Variants in GABRB1 observed in about 807,000 individuals in gnomAD.
The protein encoded by GABRB1 is gamma-aminobutyric acid receptor subunit beta-1.
In GABRB1, 17 loss-of-function variants were observed where a neutral mutation model predicts 51.6. The ratio of observed to expected loss-of-function variants is 0.33; its 90% CI spans 0.23 to 0.49. The LOEUF (loss-of-function observed/expected upper bound fraction) is 0.49. GABRB1 is among the 20% of genes least tolerant of loss of function. The pLI is 0.99. For missense variants in GABRB1, 410 were observed against 600.6 expected (o/e 0.68, Z 3.32); for synonymous variants, 247 against 218.9 (o/e 1.13, Z -1.14).
At position 47,131,758 on chromosome 4, in the gene GABRB1, G is replaced by T. The variant is rs1246110387; in HGVS notation, c.241-29491G>T. On this transcript the variant is annotated intron_variant, in intron 3 of 8. Coordinates refer to ENST00000295454, the MANE Select transcript of GABRB1 (RefSeq NM_000812.4). ...ATATTTCTATTCTGCTACCAATTCT[G>T]CATGAATTTGTGCAAATTACTGAAC... 2.6e-5 allele frequency among the ~76,000 whole-genome samples: 4 copies of T among 152,262 alleles called. No individual in the cohort carries two copies. The East Asian group carries it at 7.7e-4, about 29-fold the overall frequency.
intron 3 of GABRB1, among the ~76,000 whole-genome samples, chr4:47,155,371 G>T (rs758346883): frequency 2.6e-5 from 4 of 151,984 alleles, no homozygotes; most frequent in Non-Finnish European, 4.4e-5. Flanking sequence ...ATCAATGAAA[G>T]ATAAAACATA....
At chr4:47,348,373 A>C (rs139562052) in intron 5 of GABRB1, among the ~76,000 whole-genome samples, 2 of 152,234 alleles carry the variant, frequency 1.3e-5, no homozygotes, top group African/African-American at 4.8e-5. Flanking sequence ...CGAATTGCCC[A>C]CATTGGTGGC....
At chr4:47,321,334 A>C (rs1725081636) in intron 5 of GABRB1, among the ~76,000 whole-genome samples, 1 of 152,176 alleles carries the variant, frequency 6.6e-6, no homozygotes, top group African/African-American at 2.4e-5. Context: ...AATTACATTA[A>C]CTTTCTAGTT....
At chr4:47,320,704 T>C (rs1725049289) in intron 5 of GABRB1, among the ~76,000 whole-genome samples, 3 of 152,140 alleles carry the variant, frequency 2.0e-5, no homozygotes, top group South Asian at 4.1e-4. Flanking sequence ...GGTTTTTAAG[T>C]CTAGTGACTA....
At chr4:47,114,879 C>T (rs139007210) in intron 3 of GABRB1, among the ~76,000 whole-genome samples, 1,680 of 152,272 alleles carry the variant, frequency 0.011, 10 homozygotes, top group South Asian at 0.023. Flanking sequence ...TGTGACTGCA[C>T]GCTAAGCTGG....
At chr4:47,229,206 A>C (rs1721054718) in intron 4 of GABRB1, among the ~76,000 whole-genome samples, 1 of 152,154 alleles carries the variant, frequency 6.6e-6, no homozygotes. Context: ...GAAACCTTGC[A>C]TACTTATGAT....
At chr4:47,199,446 GA>G (rs1719814417) in intron 4 of GABRB1, among the ~76,000 whole-genome samples, 1 of 152,050 alleles carries the variant, frequency 6.6e-6, no homozygotes, top group Non-Finnish European at 1.5e-5. Context: ...GATTTTTCAG[GA>G]AAAATCCCTG....
chr4:47,156,772 C>A (rs755722628), intron 3 of GABRB1, among the ~76,000 whole-genome samples: 18 of 151,946 alleles, frequency 1.2e-4, no homozygotes, highest in African/African-American at 4.3e-4. Context: ...GAGTTCTAAA[C>A]CAGACTGACC....
At chr4:47,295,588 C>T (rs1281973898) in intron 4 of GABRB1, among the ~76,000 whole-genome samples, 2 of 152,128 alleles carry the variant, frequency 1.3e-5, no homozygotes, top group Non-Finnish European at 2.9e-5. Context: ...AACAAAGCCT[C>T]CAAGAAATAT....
At chr4:47,391,749 C>A (rs1379955601) in intron 5 of GABRB1, among the ~76,000 whole-genome samples, 1 of 152,096 alleles carries the variant, frequency 6.6e-6, no homozygotes. Flanking sequence ...CAGTTTGGGA[C>A]CATAAACTCA....
chr4:47,330,678 T>G (rs1378152512), intron 5 of GABRB1, among the ~76,000 whole-genome samples: 1 of 152,184 alleles, frequency 6.6e-6, no homozygotes, highest in Admixed American at 6.6e-5. Flanking sequence ...TTTATAAACT[T>G]CAAGGTCTCT....
At position 47,198,877 on chromosome 4, in the gene GABRB1, T is replaced by C. The variant is rs138025562; in HGVS notation, c.461+37408T>C. ...GGCAAAGGGAAAGAAAGGCAGATCT[T>C]ACATGGTGGCAGGTGAGCAGAGAAA... is the stretch of plus-strand genomic sequence containing the variant. On this transcript the variant is annotated intron_variant, in intron 4 of 8. Coordinates refer to ENST00000295454, the MANE Select transcript of GABRB1 (RefSeq NM_000812.4). 2.8e-3 allele frequency among the ~76,000 whole-genome samples: 423 copies of C among 152,258 alleles called. 3 individuals carry two copies. The highest frequency in any genetic ancestry group is 9.1e-3 in the African/African-American group (380 of 41,536).
chr4:47,270,982 AACTT>A (rs1379750640), intron 4 of GABRB1, among the ~76,000 whole-genome samples: 2 of 152,194 alleles, frequency 1.3e-5, no homozygotes, highest in Non-Finnish European at 2.9e-5. Flanking sequence ...CAAAGCAAAG[AACTT>A]ACTTCTATGC....
At chr4:47,409,599 G>C (rs903986404) in intron 8 of GABRB1, among the ~76,000 whole-genome samples, 4 of 152,142 alleles carry the variant, frequency 2.6e-5, no homozygotes, top group Non-Finnish European at 2.9e-5. Flanking sequence ...AGTATGGGGG[G>C]CATGGTGGGC....
intron 5 of GABRB1, among the ~76,000 whole-genome samples, chr4:47,387,784 C>T (rs891897807): frequency 6.6e-6 from 1 of 152,256 alleles, no homozygotes; most frequent in East Asian, 1.9e-4. Context: ...GGCTTAACCC[C>T]AGCTGAATAG....
chr4:47,387,329 T>G (rs1688056803), intron 5 of GABRB1, among the ~76,000 whole-genome samples: 1 of 152,096 alleles, frequency 6.6e-6, no homozygotes, highest in African/African-American at 2.4e-5. Context: ...GCCTAATTTT[T>G]TTTATGGTGT....
chr4:47,358,741 G>T (rs998379348), intron 5 of GABRB1, among the ~76,000 whole-genome samples: 1 of 152,018 alleles, frequency 6.6e-6, no homozygotes, highest in East Asian at 1.9e-4. Flanking sequence ...TGAATTTAGC[G>T]GTAGAGAAAA....
chr4:47,030,944 G>A (rs1725268836), upstream of GABRB1, among the ~76,000 whole-genome samples: 2 of 152,150 alleles, frequency 1.3e-5, no homozygotes, highest in South Asian at 4.1e-4. Flanking sequence ...ACGACAAGGG[G>A]AGGGAAGAAA....
At chr4:47,393,853 T>C (rs565023206) in intron 5 of GABRB1, among the ~76,000 whole-genome samples, 1 of 152,312 alleles carries the variant, frequency 6.6e-6, no homozygotes, top group African/African-American at 2.4e-5. Flanking sequence ...CCACTGCATA[T>C]CCTTCATGCC....
Sources: allele counts gnomAD v4.1 joint callset (sites outside exome capture counted in the v4.1 genomes callset), GRCh38; gene constraint gnomAD v4.1.1; transcripts MANE v1.5; gene names NCBI Gene and HGNC (gene_info 2026-07-23, HGNC 2026-07-21).